CTSF: variants seen among roughly 807,000 people sequenced by gnomAD.
CTSF encodes cathepsin F.
A neutral mutation model predicts 63.5 loss-of-function variants in CTSF; 65 were observed. The observed-to-expected ratio is 1.02, with a 90% confidence interval of 0.84 to 1.26. The LOEUF is 1.26. Among genes scored for constraint, CTSF ranks in the 50% most tolerant of loss-of-function variants. The pLI is 0.00. For missense variants in CTSF, 641 were observed against 631.0 expected (o/e 1.02, Z -0.17); for synonymous variants, 256 against 258.1 (o/e 0.99, Z 0.08).
Position 66,568,461 on chromosome 11 carries a change from G to A in CTSF, c.26C>T (p.Ser9Leu). The A allele has an allele frequency of 2.1e-6, 3 of 1,454,848 alleles. No individual in the cohort carries two copies. The highest frequency in any genetic ancestry group is 1.5e-5 in the African/African-American group (1 of 67,644). The allele number at this position is 1,454,848 out of a possible 1,614,324, so 90.1% of individuals were successfully genotyped here. The part of the protein sequence containing the change: MAPWLQLL[S>L]LLGLLPGAVA... ...TGCGCCCGGGAGCAGCCCCAGCAGC[G>A]ACAGGAGCTGCAGCCAGGGCGCCAT... is the stretch of plus-strand genomic sequence containing the variant. Residue 9 changes from serine to leucine, a missense_variant, in exon 1 of 13, where the codon TCG becomes TTG. Physicochemically the swap from Ser to Leu is moderately radical, Grantham distance 145. Coordinates refer to ENST00000310325, the MANE Select transcript of CTSF (RefSeq NM_003793.4).
At position 66,567,240 on chromosome 11, in the gene CTSF, C is replaced by A; in HGVS notation, c.607+6G>T. 1 of 1,614,148 alleles carries A rather than the reference C, an allele frequency of 6.2e-7. No homozygotes were observed. Among genetic ancestry groups the A allele is most frequent in the Non-Finnish European group, 8.5e-7 (1 of 1,180,024 alleles). On this transcript the variant is annotated splice_donor_region_variant and intron_variant, in intron 4 of 12. Transcript: ENST00000310325. ...GGAACAGGTACAGCCAAGGCTGGGT[C>A]CTCACCTTCCTTTGACTCATATGTC... is the stretch of plus-strand genomic sequence containing the variant.
At chr11:66,568,193 G>A in intron 1 of CTSF, 81 bp downstream of exon 1, 15 of 1,529,610 alleles carry the variant, frequency 9.8e-6, no homozygotes, top group Non-Finnish European at 1.3e-5. Flanking sequence ...CGTCCAGCGG[G>A]CAGGCCCCAT....
At chr11:66,567,176 A>G in intron 4 of CTSF, 70 bp downstream of exon 4, 1 of 1,504,156 alleles carries the variant, frequency 6.6e-7, no homozygotes, top group Non-Finnish European at 9.3e-7. Context: ...CCTCCCACAC[A>G]CCAAGGTGCC....
Position 66,566,081 on chromosome 11 carries a change from G to T in CTSF, c.808C>A (p.Leu270Ile). Residue 270 changes from leucine (L) to isoleucine (I), a missense_variant, in exon 6 of 13, where the codon CTC becomes ATC. Transcript: ENST00000310325. The part of the protein sequence containing the change: ...KMKQAKSVGD[L>I]APPEWDWRSK... ...CTCCAGTCCCATTCAGGTGGGGCGA[G>T]GTCACCCACAGACTTGGCTTGCTTC... 6.2e-7 allele frequency: 1 copy of T among 1,614,156 alleles called. No homozygotes were observed. The highest frequency in any genetic ancestry group is 1.1e-5 in the South Asian group (1 of 91,084).
intron 1 of CTSF, 66 bp from the exon 2 acceptor site, chr11:66,568,148 C>A: frequency 6.4e-7 from 1 of 1,563,576 alleles, no homozygotes; most frequent in Non-Finnish European, 8.7e-7. Flanking sequence ...CCCGCCCGTG[C>A]GGCGCTGCCC....
chr11:66,568,123 G>A, intron 1 of CTSF, 41 bp from the exon 2 acceptor site: 2 of 1,594,346 alleles, frequency 1.3e-6, no homozygotes, highest in Middle Eastern at 1.7e-4. Context: ...GTCGGCCCTT[G>A]ACGGCGCCCA....
Position 66,566,143 on chromosome 11 carries a change from A to T in CTSF, c.746T>A (p.Leu249Gln). The change falls in exon 6 of 13, where the codon CTG becomes CAG. Residue 249 changes from leucine (L) to glutamine (Q), a missense_variant. Coordinates refer to ENST00000310325, the MANE Select transcript of CTSF (RefSeq NM_003793.4). ...AGGCTCTTTCCTCAGGAGAGTATTC[A>T]GGTAGATAGTGCGGAACTCCTCCTC... ...LTEEEFRTIYLNTLLRKEPGN... is the reference protein window; with the variant it reads ...LTEEEFRTIYQNTLLRKEPGN... The T allele has an allele frequency of 6.2e-7, 1 of 1,614,128 alleles. No individual in the cohort carries two copies. The highest frequency in any genetic ancestry group is 8.5e-7 in the Non-Finnish European group (1 of 1,180,028).
rs1368521354 is a variant in CTSF, at chr11:66,568,276, G to C, written c.211C>G (p.Arg71Gly). 1 of 1,499,966 alleles carries C rather than the reference G, an allele frequency of 6.7e-7. No individual in the cohort carries two copies. The highest frequency in any genetic ancestry group is 2.2e-5 in the Admixed American group (1 of 46,354). The allele number at this position is 1,499,966 out of a possible 1,614,324, so 92.9% of individuals were successfully genotyped here. A position where few individuals can be genotyped will look rare whatever the true frequency, so the allele number is the denominator to read the frequency against. ...VLGLVRGRVR[R>G]AGQGSLYSLE... ...CCCCGCCCCCGGCGCGTCCTCACCC[G>C]GCGGACGCGGCCGCGCACAAGGCCC... The change falls in exon 1 of 13, where the codon CGG (arginine) becomes GGG (glycine). Residue 71 changes from arginine to glycine, a missense_variant and splice_region_variant. Transcript: ENST00000310325.
chr11:66,564,283 C>G, intron 11 of CTSF, 137 bp from the exon 12 acceptor site: 1 of 1,142,310 alleles, frequency 8.8e-7, no homozygotes, highest in Non-Finnish European at 1.2e-6. Context: ...AGCGAGGGGC[C>G]CACCTACCAG....
At chr11:66,567,911 C>T (rs760947975) in intron 2 of CTSF, 73 bp downstream of exon 2, 8 of 1,515,908 alleles carry the variant, frequency 5.3e-6, no homozygotes, top group Admixed American at 2.2e-5. Flanking sequence ...TGCGTCTTGA[C>T]CTGACCCGTC....
rs1039859068 is a variant in CTSF at position 66,566,362 on chromosome 11, C to T, written c.650G>A (p.Arg217Gln). The part of the protein sequence containing the change: ...RLSVFVNNMV[R>Q]AQKIQALDRG... ...GTCCAGGGCCTGGATCTTCTGTGCT[C>T]GCACCATGTTATTGACAAAGACGGA... Residue 217 changes from arginine (R) to glutamine (Q), a missense_variant, in exon 5 of 13, where the codon CGA (arginine) becomes CAA (glutamine). Arg to Gln is a conservative substitution (Grantham distance 43, BLOSUM62 1). Coordinates refer to ENST00000310325, the MANE Select transcript of CTSF (RefSeq NM_003793.4). 8.1e-6 allele frequency: 13 copies of T among 1,614,016 alleles called. No individual in the cohort carries two copies. The highest frequency in any genetic ancestry group is 5.3e-5 in the African/African-American group (4 of 74,902).
Position 66,564,779 on chromosome 11 carries a change from C to G in CTSF, c.1193G>C (p.Gly398Ala). The change falls in exon 10 of 13, where the codon GGC (glycine) becomes GCC (alanine). Residue 398 changes from glycine (G) to alanine (A), a missense_variant. By Grantham distance (60) the Gly-to-Ala change is moderately conservative (BLOSUM62 0). Transcript: ENST00000310325. ...QKLAAWLAKR[G>A]PISVAINAFG... The stretch of plus-strand genomic sequence containing the variant: ...GGCATTGATGGCCACGGAGATTGGG[C>G]CTCTCTTGGCCAGCCAGGCTGCCAG... 6.2e-7 allele frequency: 1 copy of G among 1,614,024 alleles called. No homozygotes were observed. Among genetic ancestry groups the G allele is most frequent in the Non-Finnish European group, 8.5e-7 (1 of 1,180,022 alleles).
At position 66,567,987 on chromosome 11, in the gene CTSF, G is replaced by A. The variant is rs1187988607; in HGVS notation, c.309C>T (p.Thr103=). 3 of 1,590,818 alleles carry A rather than the reference G, an allele frequency of 1.9e-6. No individual in the cohort carries two copies. The highest frequency in any genetic ancestry group is 2.6e-6 in the Non-Finnish European group (3 of 1,170,642). Residue 103 remains threonine (T), a synonymous_variant, in exon 2 of 13, where the codon ACC becomes ACT. Coordinates refer to ENST00000310325, the MANE Select transcript of CTSF (RefSeq NM_003793.4). ...CCCCAAGAGCCTCATCACTCACCAG[G>A]GTTTTCTTGGACACGGGGAGCCGGC... The part of the protein sequence containing the change: ...MVCRLPVSKK[T]LLCSFQVLDE...
Position 66,567,555 on chromosome 11 carries a change from G to A in CTSF, c.420C>T (p.Ala140=), listed in dbSNP as rs149140177. ...AAATCATGGCTGAGCCCTGAGTGAA[G>A]GCTGACTTGGGCTCCCCAGCACCTG... ...KVPGAGEPKS[A]FTQGSAMISS... Residue 140 remains alanine, a synonymous_variant, in exon 3 of 13, where the codon GCC becomes GCT. Coordinates refer to ENST00000310325, the MANE Select transcript of CTSF (RefSeq NM_003793.4). The A allele has an allele frequency of 1.5e-5, 25 of 1,614,100 alleles. No homozygotes were observed. In the African/African-American group the frequency reaches 2.8e-4, roughly 18 times the overall value.
rs1231140809 is a variant in CTSF at position 66,568,600 on chromosome 11, G to A, written c.-114C>T. The stretch of plus-strand genomic sequence containing the variant: ...CCCTCCAGCGGGGCGACGGCACGCC[G>A]ACCAATGGGCGCTGGTTTGCGGCGC... On this transcript the variant is annotated 5_prime_UTR_variant, in exon 1 of 13. Coordinates refer to ENST00000310325, the MANE Select transcript of CTSF (RefSeq NM_003793.4). 3.2e-6 allele frequency: 4 copies of A among 1,254,670 alleles called. No individual in the cohort carries two copies. Among genetic ancestry groups the A allele is most frequent in the Middle Eastern group, 2.9e-4 (1 of 3,458 alleles). The allele number at this position is 1,254,670 out of a possible 1,614,324, so 77.7% of individuals were successfully genotyped here.
chr11:66,567,682 C>T lies in CTSF; in HGVS notation c.313-20G>A. 1.2e-6 allele frequency: 2 copies of T among 1,607,732 alleles called. No individual in the cohort carries two copies. The highest frequency in any genetic ancestry group is 2.2e-5 in the South Asian group (2 of 90,460). ...GCAGAGCTGGAGGGAGAGGAAGAAG[C>T]TGCTCTGGGGGCCTGGATCTGGATC... On this transcript the variant is annotated intron_variant, in intron 2 of 12. Coordinates refer to ENST00000310325, the MANE Select transcript of CTSF (RefSeq NM_003793.4).
intron 8 of CTSF, 71 bp downstream of exon 8, chr11:66,565,600 C>A (rs748464271): frequency 1.6e-5 from 26 of 1,590,484 alleles, no homozygotes; most frequent in Non-Finnish European, 2.1e-5. Flanking sequence ...TGTCTCCCCC[C>A]CATTATGAAG....
Position 66,563,539 on chromosome 11 carries a change from T to A in CTSF, c.*394A>T. ...TTCCTGGACATGGAGAGGGACACTA[T>A]CCCTAAATCCAAGGGAACCAGAAAA... On this transcript the variant is annotated 3_prime_UTR_variant, in exon 13 of 13. Transcript: ENST00000310325. The A allele has an allele frequency of 4.5e-6, 2 of 441,216 alleles. No homozygotes were observed. The highest frequency in any genetic ancestry group is 8.1e-6 in the Non-Finnish European group (2 of 246,648). 27.3% of individuals were successfully genotyped at this position (441,216 alleles called of 1,614,324 possible).
intron 2 of CTSF, 85 bp from the exon 3 acceptor site, chr11:66,567,747 T>C: frequency 6.6e-7 from 1 of 1,518,522 alleles, no homozygotes; most frequent in Non-Finnish European, 8.8e-7. Flanking sequence ...TGGAGGCTCC[T>C]CAGATGAGAG....
Sources: gnomAD v4.1 joint callset for allele counts on GRCh38, gnomAD v4.1.1 for gene constraint, MANE v1.5 for transcripts, NCBI Gene and HGNC (gene_info 2026-07-23, HGNC 2026-07-21) for gene names.